Variants in RNF217 observed in about 807,000 individuals in gnomAD.
RNF217 encodes ring finger protein 217, also known as E3 ubiquitin-protein ligase RNF217.
In RNF217, 31 loss-of-function variants were observed where a neutral mutation model predicts 57.8. The ratio of observed to expected loss-of-function variants is 0.54; its 90% CI spans 0.40 to 0.72. The LOEUF is 0.72. Ranked by LOEUF, RNF217 falls within the 30% of genes least tolerant of loss-of-function variation. RNF217 has a pLI of 0.00. For missense variants in RNF217, 696 were observed against 708.3 expected, an observed-to-expected ratio of 0.98 and a Z score of 0.20; for synonymous variants, 313 against 294.0, an observed-to-expected ratio of 1.06 and a Z score of -0.66.
intron 1 of RNF217, among the ~76,000 whole-genome samples, chr6:124,976,512 C>T (rs1016518865): frequency 2.0e-5 from 3 of 152,002 alleles, no homozygotes; most frequent in African/African-American, 7.3e-5. Context: ...TCAAGATCCA[C>T]CTGCCTCGGC....
chr6:124,966,260 A>C (rs1783535748), intron 1 of RNF217, among the ~76,000 whole-genome samples: 1 of 152,138 alleles, frequency 6.6e-6, no homozygotes, highest in Non-Finnish European at 1.5e-5. Flanking sequence ...CCCTCTACTC[A>C]AAGGTTGTGT....
chr6:125,045,509 C>G, intron 2 of RNF217, 65 bp downstream of exon 2: 1 of 1,237,608 alleles, frequency 8.1e-7, no homozygotes, highest in Non-Finnish European at 1.2e-6. Flanking sequence ...ATTAGATCCA[C>G]TTGTCGTGGG....
intron 1 of RNF217, among the ~76,000 whole-genome samples, chr6:124,992,730 A>C (rs1784606210): frequency 6.6e-6 from 1 of 152,286 alleles, no homozygotes; most frequent in South Asian, 2.1e-4. Context: ...CTTTAGCAGA[A>C]CATTCTTTGT....
At chr6:125,028,384 A>G (rs552539925) in intron 1 of RNF217, among the ~76,000 whole-genome samples, 126 of 152,012 alleles carry the variant, frequency 8.3e-4, no homozygotes, top group Non-Finnish European at 1.0e-3. Context: ...AGAAATGTCT[A>G]TTCAAATCTT....
rs549680791 is a variant in RNF217 at position 125,046,076 on chromosome 6, A to G, written c.1116+632A>G. Among the ~76,000 whole-genome samples, 18 of 152,184 alleles carry G rather than the reference A, an allele frequency of 1.2e-4. 1 individual carries two copies. Among genetic ancestry groups the G allele is most frequent in the South Asian group, 6.2e-4 (3 of 4,818 alleles). ...AAGGAGGGTTAGGCTCTAGGATGTCAGGAATGGCTTCACAGAGGAGGTGCA... is the reference window on the plus strand; with the variant it reads ...AAGGAGGGTTAGGCTCTAGGATGTCGGGAATGGCTTCACAGAGGAGGTGCA... On this transcript the variant is annotated intron_variant, in intron 2 of 5. Coordinates refer to ENST00000521654, the MANE Select transcript of RNF217 (RefSeq NM_001286398.3).
chr6:125,038,328 G>A (rs1314207642), intron 1 of RNF217, among the ~76,000 whole-genome samples: 1 of 152,098 alleles, frequency 6.6e-6, no homozygotes, highest in African/African-American at 2.4e-5. Context: ...TATTTAGAAT[G>A]TTAACTTGAT....
At chr6:125,038,697 T>C (rs1786750784) in intron 1 of RNF217, among the ~76,000 whole-genome samples, 1 of 152,176 alleles carries the variant, frequency 6.6e-6, no homozygotes, top group Non-Finnish European at 1.5e-5. Context: ...GCCAATTTAA[T>C]TGCTACATTC....
intron 1 of RNF217, among the ~76,000 whole-genome samples, chr6:124,999,130 T>G (rs1784871616): frequency 6.6e-6 from 1 of 152,366 alleles, no homozygotes; most frequent in South Asian, 2.1e-4. Flanking sequence ...AAACATACTG[T>G]GTATTATACT....
At chr6:125,002,311 A>G (rs1401960182) in intron 1 of RNF217, among the ~76,000 whole-genome samples, 1 of 152,090 alleles carries the variant, frequency 6.6e-6, no homozygotes, top group African/African-American at 2.4e-5. Context: ...GATTAAGGAA[A>G]CCATGACCTC....
chr6:125,044,696 C>T (rs1415813891), intron 1 of RNF217, among the ~76,000 whole-genome samples: 1 of 152,048 alleles, frequency 6.6e-6, no homozygotes, highest in African/African-American at 2.4e-5. Flanking sequence ...TTTTTTGTAA[C>T]AATTTTTAAA....
At chr6:124,970,260 A>G (rs1461250455) in intron 1 of RNF217, among the ~76,000 whole-genome samples, 1 of 152,240 alleles carries the variant, frequency 6.6e-6, no homozygotes, top group Non-Finnish European at 1.5e-5. Flanking sequence ...CAAGAGTGGA[A>G]GTAAAAAGAT....
At chr6:125,079,797 AAATT>A (rs1788508263) in intron 4 of RNF217, among the ~76,000 whole-genome samples, 2 of 152,094 alleles carry the variant, frequency 1.3e-5, no homozygotes, top group South Asian at 2.1e-4. Flanking sequence ...AAGAAACAAA[AAATT>A]AAGTATAGGA....
intron 1 of RNF217, among the ~76,000 whole-genome samples, chr6:124,997,233 C>T (rs9482583): frequency 0.23 from 35,586 of 152,070 alleles, 4,527 homozygotes; most frequent in African/African-American, 0.32. Context: ...GAAGAGTTCA[C>T]GGCTCCATGT....
chr6:124,994,596 G>GA (rs1012027980), intron 1 of RNF217, among the ~76,000 whole-genome samples: 15 of 151,722 alleles, frequency 9.9e-5, no homozygotes, highest in African/African-American at 1.7e-4. Context: ...CCAAATTGGA[G>GA]AAAAAAAAGT....
At chr6:124,988,179 A>G (rs901337010) in intron 1 of RNF217, among the ~76,000 whole-genome samples, 13 of 152,102 alleles carry the variant, frequency 8.5e-5, no homozygotes, top group African/African-American at 3.1e-4. Flanking sequence ...ATGCCTGATG[A>G]TCTGAAATGG....
intron 1 of RNF217, among the ~76,000 whole-genome samples, chr6:125,002,010 A>G (rs967859233): frequency 1.3e-5 from 2 of 152,228 alleles, no homozygotes; most frequent in Admixed American, 1.3e-4. Flanking sequence ...TGTATTCTCC[A>G]TATGAAATAA....
intron 1 of RNF217, among the ~76,000 whole-genome samples, chr6:124,999,748 A>T (rs556662105): frequency 6.6e-6 from 1 of 152,306 alleles, no homozygotes; most frequent in Admixed American, 6.5e-5. Context: ...TTAAAGGAAA[A>T]AATTATCATG....
At chr6:125,078,907 A>C (rs1405534275) in intron 4 of RNF217, among the ~76,000 whole-genome samples, 2 of 152,162 alleles carry the variant, frequency 1.3e-5, no homozygotes, top group African/African-American at 2.4e-5. Flanking sequence ...TAGCAGGAAA[A>C]GTAATGTTGT....
rs1156338072 is a variant in RNF217 at position 125,033,655 on chromosome 6, A to G, written c.883-11556A>G. 3.3e-5 allele frequency among the ~76,000 whole-genome samples: 5 copies of G among 151,130 alleles called. No homozygotes were observed. In the East Asian group the frequency reaches 9.7e-4, roughly 29 times the overall value. On this transcript the variant is annotated intron_variant, in intron 1 of 5. Coordinates refer to ENST00000521654, the MANE Select transcript of RNF217 (RefSeq NM_001286398.3). ...CTGTGAATAGTGCCGCAATAAACAT[A>G]TGTGTGCATGTGTCTTTATAGCAGC...
Sources: gnomAD v4.1 joint callset for allele counts (sites outside exome capture counted in the v4.1 genomes callset) on GRCh38, gnomAD v4.1.1 for gene constraint, MANE v1.5 for transcripts, NCBI Gene and HGNC (gene_info 2026-07-23, HGNC 2026-07-21) for gene names.